STYXL1: variants seen among roughly 807,000 people sequenced by gnomAD.
STYXL1 encodes serine/threonine/tyrosine interacting like 1, also known as serine/threonine/tyrosine-interacting-like protein 1.
Under a neutral mutation model 36.4 loss-of-function variants are expected in STYXL1, and 32 were observed. The ratio of observed to expected loss-of-function variants is 0.88; its 90% confidence interval spans 0.66 to 1.18. The LOEUF is 1.18. Ranked by LOEUF, STYXL1 falls within the 50% of genes most tolerant of loss-of-function variation. The pLI is 0.00. For missense variants in STYXL1, 354 were observed against 394.1 expected, an observed-to-expected ratio of 0.90 and a Z score of 0.86; for synonymous variants, 133 against 144.1, an observed-to-expected ratio of 0.92 and a Z score of 0.55.
intron 8 of STYXL1, among the ~76,000 whole-genome samples, chr7:75,997,186 CT>C (rs1329756113): frequency 6.6e-6 from 1 of 151,732 alleles, no homozygotes; most frequent in Non-Finnish European, 1.5e-5. Flanking sequence ...AATCCTGGCA[CT>C]TTGGGGGGCC....
intron 1 of STYXL1, among the ~76,000 whole-genome samples, chr7:76,046,355 C>T (rs1321488209): frequency 1.1e-4 from 13 of 117,850 alleles, no homozygotes; most frequent in Admixed American, 1.8e-4. Flanking sequence ...CGCGCGCGCG[C>T]GCGCTTTTGA....
intron 4 of STYXL1, among the ~76,000 whole-genome samples, chr7:76,016,814 G>A (rs1793430718): frequency 6.6e-6 from 1 of 152,090 alleles, no homozygotes; most frequent in Non-Finnish European, 1.5e-5. Context: ...AGCCCCTGTG[G>A]AAAGGAGTTT....
chr7:76,011,507 T>C (rs955191229), intron 5 of STYXL1, among the ~76,000 whole-genome samples: 1 of 152,238 alleles, frequency 6.6e-6, no homozygotes, highest in Non-Finnish European at 1.5e-5. Context: ...TGATTTCGAT[T>C]GAAGTTTTTT....
chr7:76,042,659 G>A (rs1161138090), intron 1 of STYXL1, among the ~76,000 whole-genome samples: 5 of 151,530 alleles, frequency 3.3e-5, no homozygotes, highest in African/African-American at 7.3e-5. Context: ...CATCTGCCTC[G>A]GCCTCCCAAA....
intron 3 of STYXL1, among the ~76,000 whole-genome samples, chr7:76,024,783 T>A (rs1385539401): frequency 4.0e-5 from 6 of 151,870 alleles, no homozygotes; most frequent in Non-Finnish European, 4.4e-5. Flanking sequence ...ACTCCATCTC[T>A]ACTAAAAATG....
Position 76,036,808 on chromosome 7 carries a change from G to A in STYXL1, c.-4-6281C>T, listed in dbSNP as rs1375055419. Reference sequence around the variant, plus strand: ...TTTTTTTTTTTTTTTTTTTTGAGACGGAGTCCCACTCTGTTGCCCAGGCTG... The same window carrying A: ...TTTTTTTTTTTTTTTTTTTTGAGACAGAGTCCCACTCTGTTGCCCAGGCTG... On this transcript the variant is annotated intron_variant, in intron 1 of 8. Transcript: ENST00000359697. Among the ~76,000 whole-genome samples the A allele has an allele frequency of 1.8e-4, 19 of 106,272 alleles. 1 individual carries two copies. In the South Asian group the frequency reaches 3.6e-3, roughly 20 times the overall value. 69.7% of individuals were successfully genotyped at this position (106,272 alleles called of 152,430 possible). A position where few individuals can be genotyped will look rare whatever the true frequency, so the allele number is the denominator to read the frequency against.
chr7:75,997,219 G>A (rs781788121), intron 8 of STYXL1, among the ~76,000 whole-genome samples: 9 of 152,174 alleles, frequency 5.9e-5, no homozygotes, highest in Non-Finnish European at 1.3e-4. Context: ...ATCACCTGAG[G>A]TCAGGAGTTC....
chr7:76,021,356 C>T (rs1167738751), intron 4 of STYXL1, among the ~76,000 whole-genome samples: 3 of 152,196 alleles, frequency 2.0e-5, no homozygotes, highest in Non-Finnish European at 4.4e-5. Flanking sequence ...GCTGGGATTA[C>T]AGGCATGAGC....
At position 75,996,421 on chromosome 7, in the gene STYXL1, C is replaced by T; in HGVS notation, c.*47G>A. On this transcript the variant is annotated 3_prime_UTR_variant, in exon 9 of 9. Coordinates refer to ENST00000359697, the MANE Select transcript of STYXL1 (RefSeq NM_001317785.2). ...ACTCTGGCCCTCCACCCACAAAATG[C>T]CCCCAGGTGAGGCTCTTCAGTACCC... 1.2e-6 allele frequency: 2 copies of T among 1,613,718 alleles called. No individual in the cohort carries two copies. Among genetic ancestry groups the T allele is most frequent in the Non-Finnish European group, 8.5e-7 (1 of 1,179,780 alleles).
intron 5 of STYXL1, among the ~76,000 whole-genome samples, chr7:76,008,318 A>G (rs1211315945): frequency 1.3e-5 from 2 of 151,234 alleles, no homozygotes; most frequent in Admixed American, 1.3e-4. Flanking sequence ...CACTTTCTCC[A>G]TTATTACACC....
At position 76,047,943 on chromosome 7, in the gene STYXL1, GC is replaced by G; in HGVS notation, c.-287del. The G allele has an allele frequency of 1.4e-6, 2 of 1,451,974 alleles. No individual in the cohort carries two copies. The highest frequency in any genetic ancestry group is 1.4e-5 in the South Asian group (1 of 71,912). 89.9% of individuals were successfully genotyped at this position (1,451,974 alleles called of 1,614,324 possible). ...ACACAGACGGCTACGCTAGAACCCA[GC>G]CAAACACCGGGGTTGCCAGGATGGT... On this transcript the variant is annotated 5_prime_UTR_variant, in exon 1 of 9. Transcript: ENST00000359697.
intron 3 of STYXL1, among the ~76,000 whole-genome samples, chr7:76,024,948 CAAAA>C (rs56728505): frequency 1.4e-5 from 1 of 72,412 alleles, no homozygotes; most frequent in African/African-American, 6.0e-5. Flanking sequence ...GACTCTGTCT[CAAAA>C]AAAAAAAAAA....
intron 4 of STYXL1, among the ~76,000 whole-genome samples, chr7:76,019,040 A>C (rs1554575035): frequency 2.6e-5 from 4 of 152,180 alleles, no homozygotes; most frequent in African/African-American, 7.2e-5. Flanking sequence ...TAATATCTCA[A>C]TGTGGTTTTG....
intron 5 of STYXL1, among the ~76,000 whole-genome samples, chr7:76,009,652 G>A (rs545647224): frequency 5.9e-5 from 9 of 152,220 alleles, no homozygotes; most frequent in South Asian, 2.1e-4. Flanking sequence ...CTCGTGATCC[G>A]CCCGCCTTGG....
At chr7:75,999,850 A>G (rs1410648513) in intron 8 of STYXL1, among the ~76,000 whole-genome samples, 1 of 151,924 alleles carries the variant, frequency 6.6e-6, no homozygotes, top group East Asian at 1.9e-4. Flanking sequence ...CCGGCCTGTT[A>G]TGTATATTTT....
Position 76,001,009 on chromosome 7 carries a change from AAAG to A in STYXL1, c.698-10_698-8del. 1 of 1,611,526 alleles carries A rather than the reference AAAG, an allele frequency of 6.2e-7. No homozygotes were observed. Among genetic ancestry groups the A allele is most frequent in the Non-Finnish European group, 8.5e-7 (1 of 1,177,600 alleles). On this transcript the variant is annotated splice_region_variant and splice_polypyrimidine_tract_variant and intron_variant, in intron 7 of 8. Transcript: ENST00000359697. ...CCAAGGTGATGGTGAATTTCTGCAA[AAAG>A]AAGTGGGGGGTTGGGTCATGCCTGG...
chr7:76,016,962 C>T (rs1793446469), intron 4 of STYXL1, among the ~76,000 whole-genome samples: 1 of 152,158 alleles, frequency 6.6e-6, no homozygotes, highest in Admixed American at 6.6e-5. Context: ...CTACTGACAA[C>T]AGCAAAGACA....
chr7:76,044,181 T>A lies in STYXL1; in HGVS notation c.-5+3481A>T, dbSNP rs369520665. 5.3e-5 allele frequency: 8 copies of A among 152,250 alleles called. No individual in the cohort carries two copies. In the East Asian group the frequency reaches 1.2e-3, roughly 22 times the overall value. The allele number at this position is 152,250 out of a possible 1,614,324, so 9.4% of individuals were successfully genotyped here. A position where few individuals can be genotyped will look rare whatever the true frequency, so the allele number is the denominator to read the frequency against. The stretch of plus-strand genomic sequence containing the variant: ...CTTTTTATGTTTTTTTCCTTTGAGA[T>A]AAGGTCTCATTCTGTCACCCAGACT... On this transcript the variant is annotated intron_variant, in intron 1 of 8. Transcript: ENST00000359697.
Position 76,030,414 on chromosome 7 carries a change from T to C in STYXL1, c.103+7A>G. On this transcript the variant is annotated splice_region_variant and intron_variant, in intron 2 of 8. Coordinates refer to ENST00000359697, the MANE Select transcript of STYXL1 (RefSeq NM_001317785.2). ...TTGACCTCCTCCGCTTTTTTCCAAG[T>C]ACTTACCCAATAAACAGAGATAGTT... 2.5e-6 allele frequency: 4 copies of C among 1,604,302 alleles called. No individual in the cohort carries two copies. The highest frequency in any genetic ancestry group is 3.4e-6 in the Non-Finnish European group (4 of 1,171,096).
Sources: gnomAD v4.1 joint callset for allele counts (sites outside exome capture counted in the v4.1 genomes callset) on GRCh38, gnomAD v4.1.1 for gene constraint, MANE v1.5 for transcripts, NCBI Gene and HGNC (gene_info 2026-07-23, HGNC 2026-07-21) for gene names.